The following CFAP54 variants were observed in gnomAD, a reference collection of about 807,000 sequenced individuals.
CFAP54 encodes cilia and flagella associated protein 54.
A neutral mutation model predicts 370.4 loss-of-function variants in CFAP54; 290 were observed. The observed-to-expected ratio is 0.78, with a 90% CI of 0.71 to 0.86. CFAP54 has a LOEUF of 0.86. Among genes scored for constraint, CFAP54 ranks in the 40% least tolerant of loss-of-function variants. The pLI is 0.00. For synonymous variants in CFAP54, 1,206 were observed against 1,236.5 expected (o/e 0.98, Z 0.52); for missense variants, 3,399 against 3,528.7 (o/e 0.96, Z 0.93).
chr12:96,601,568 G>A (rs545921873), intron 26 of CFAP54, among the ~76,000 whole-genome samples: 127 of 152,310 alleles, frequency 8.3e-4, no homozygotes, highest in African/African-American at 3.0e-3. Flanking sequence ...GAATTCGGCC[G>A]TGAATCCATC....
intron 19 of CFAP54, among the ~76,000 whole-genome samples, chr12:96,570,182 C>T (rs1328205857): frequency 1.3e-5 from 2 of 152,016 alleles, no homozygotes; most frequent in African/African-American, 4.8e-5. Flanking sequence ...TCATGTTGCC[C>T]AGCATGGTCT....
At chr12:96,617,619 G>C (rs1351000216) in intron 26 of CFAP54, among the ~76,000 whole-genome samples, 2 of 152,154 alleles carry the variant, frequency 1.3e-5, no homozygotes, top group Non-Finnish European at 2.9e-5. Flanking sequence ...TCTTTTTCCA[G>C]TGCTACGATC....
Position 96,704,786 on chromosome 12 carries a change from A to G in CFAP54, c.6518A>G (p.Glu2173Gly), listed in dbSNP as rs771374589. ...FDSGKLLTSK[E>G]NIQAIDELRN... ...TCAGGAAAACTTCTTACCAGTAAAGAAAATATACAGGTAAGGATAATAATA... is the reference window on the plus strand; with the variant it reads ...TCAGGAAAACTTCTTACCAGTAAAGGAAATATACAGGTAAGGATAATAATA... Residue 2173 changes from glutamate (E) to glycine (G), a missense_variant, in exon 47 of 68, where the codon GAA (glutamate) becomes GGA (glycine). Glu to Gly is a moderately conservative substitution (Grantham distance 98). Transcript: ENST00000524981. 1 of 1,140,196 alleles carries G rather than the reference A, an allele frequency of 8.8e-7. No homozygotes were observed. 70.6% of individuals were successfully genotyped at this position (1,140,196 alleles called of 1,614,324 possible).
intron 63 of CFAP54, among the ~76,000 whole-genome samples, chr12:96,796,464 A>C (rs1477307247): frequency 2.0e-5 from 3 of 152,234 alleles, no homozygotes; most frequent in African/African-American, 7.2e-5. Flanking sequence ...AGAACTCATC[A>C]GTAAAGCCAG....
intron 20 of CFAP54, among the ~76,000 whole-genome samples, chr12:96,578,717 A>G (rs1192451551): frequency 1.3e-5 from 2 of 152,218 alleles, no homozygotes; most frequent in East Asian, 3.8e-4. Flanking sequence ...CCTTCTCATC[A>G]GCACTAGATG....
chr12:96,660,300 C>G (rs571927402), intron 38 of CFAP54, among the ~76,000 whole-genome samples: 1 of 152,106 alleles, frequency 6.6e-6, no homozygotes, highest in Non-Finnish European at 1.5e-5. Flanking sequence ...CTGCTCCTTC[C>G]GAGGATTTTT....
chr12:96,584,070 A>G (rs80038131), intron 22 of CFAP54, among the ~76,000 whole-genome samples: 5,576 of 151,544 alleles, frequency 0.037, 159 homozygotes, highest in Non-Finnish European at 0.055. Flanking sequence ...AGTTCACACG[A>G]CTCCCACTTT....
intron 26 of CFAP54, among the ~76,000 whole-genome samples, chr12:96,618,041 G>A (rs1956441974): frequency 6.6e-6 from 1 of 150,442 alleles, no homozygotes; most frequent in African/African-American, 2.5e-5. Flanking sequence ...CCCCCAAAAA[G>A]CTCTTCCATC....
intron 32 of CFAP54, among the ~76,000 whole-genome samples, chr12:96,631,697 A>G (rs941579294): frequency 6.7e-6 from 1 of 149,322 alleles, no homozygotes; most frequent in African/African-American, 2.4e-5. Flanking sequence ...ACATGCATAA[A>G]CAATATATAT....
chr12:96,566,191 CT>C (rs1265373105), intron 19 of CFAP54, among the ~76,000 whole-genome samples: 1 of 152,166 alleles, frequency 6.6e-6, no homozygotes, highest in East Asian at 1.9e-4. Flanking sequence ...TGAGAACAAA[CT>C]AATACACCTT....
At chr12:96,681,801 G>A (rs1957275936) in intron 40 of CFAP54, among the ~76,000 whole-genome samples, 1 of 152,112 alleles carries the variant, frequency 6.6e-6, no homozygotes, top group African/African-American at 2.4e-5. Flanking sequence ...GTTTCACCAT[G>A]TTGGCCAGGC....
intron 17 of CFAP54, chr12:96,555,012 T>G (rs1046286414): frequency 1.4e-4 from 53 of 385,876 alleles, no homozygotes; most frequent in African/African-American, 9.0e-4. Context: ...GTTAGTAAAC[T>G]TCTTAAAAAG....
At chr12:96,538,326 T>G in intron 12 of CFAP54, 58 bp from the exon 13 acceptor site, 2 of 1,372,696 alleles carry the variant, frequency 1.5e-6, no homozygotes, top group Non-Finnish European at 2.0e-6. Flanking sequence ...ACACAGTAAA[T>G]GTTATATACA....
At chr12:96,664,688 GGT>G (rs1491150017) in intron 39 of CFAP54, among the ~76,000 whole-genome samples, 16 of 88,840 alleles carry the variant, frequency 1.8e-4, no homozygotes, top group Admixed American at 4.7e-4. Flanking sequence ...TATTCCTTTG[GGT>G]ATATATCTAT....
At chr12:96,503,844 A>G in intron 2 of CFAP54, 42 bp from the exon 3 acceptor site, 1 of 1,415,528 alleles carries the variant, frequency 7.1e-7, no homozygotes, top group Non-Finnish European at 9.3e-7. Flanking sequence ...GATAAGCTAA[A>G]TGATATTTTG....
At chr12:96,738,578 TC>T (rs1239029635) in intron 50 of CFAP54, among the ~76,000 whole-genome samples, 1 of 148,182 alleles carries the variant, frequency 6.7e-6, no homozygotes, top group African/African-American at 2.5e-5. Flanking sequence ...CACATAACCT[TC>T]CCTCCAAGCA....
chr12:96,526,464 C>A (rs1042351388), intron 8 of CFAP54, among the ~76,000 whole-genome samples: 26 of 152,162 alleles, frequency 1.7e-4, no homozygotes, highest in Non-Finnish European at 3.1e-4. Context: ...GGCTTGAAGA[C>A]CTTCTGCATG....
intron 63 of CFAP54, among the ~76,000 whole-genome samples, chr12:96,795,026 C>T (rs1411624827): frequency 6.6e-6 from 1 of 152,130 alleles, no homozygotes; most frequent in African/African-American, 2.4e-5. Flanking sequence ...GTCTAGGCAC[C>T]CATCGAAGCT....
intron 14 of CFAP54, among the ~76,000 whole-genome samples, chr12:96,545,233 C>T (rs1026434287): frequency 2.0e-5 from 3 of 152,008 alleles, no homozygotes; most frequent in African/African-American, 7.2e-5. Flanking sequence ...CTTATAAAGT[C>T]ACCAGTCCAG....
Sources: allele counts gnomAD v4.1 joint callset (sites outside exome capture counted in the v4.1 genomes callset), GRCh38; gene constraint gnomAD v4.1.1; transcripts MANE v1.5; gene names NCBI Gene and HGNC (gene_info 2026-07-23, HGNC 2026-07-21).